The following ACYP2 variants were observed in gnomAD, a reference collection of about 807,000 sequenced individuals.
The protein encoded by ACYP2 is acylphosphatase 2, also known as acylphosphatase-2.
ACYP2 carries 12 observed loss-of-function variants against 11.2 expected under a neutral mutation model. The ratio of observed to expected loss-of-function variants is 1.08; its 90% confidence interval spans 0.69 to 1.74. The LOEUF (loss-of-function observed/expected upper bound fraction) is 1.74. Ranked by LOEUF, ACYP2 falls within the 40% of genes most tolerant of loss-of-function variation. The pLI, the probability that ACYP2 is intolerant of heterozygous loss-of-function variation, is 0.00. For synonymous variants in ACYP2, 43 were observed against 32.2 expected (o/e 1.33, Z -1.13); for missense variants, 134 against 101.9 (o/e 1.31, Z -1.35).
At chr2:54,123,014 C>A (rs1215951799) in intron 4 of ACYP2, among the ~76,000 whole-genome samples, 1 of 152,190 alleles carries the variant, frequency 6.6e-6, no homozygotes, top group Non-Finnish European at 1.5e-5. Context: ...AGGGAGGCTA[C>A]TCTAGGGTAG....
intron 6 of ACYP2, among the ~76,000 whole-genome samples, chr2:54,181,980 T>A (rs754802668): frequency 6.6e-6 from 1 of 151,806 alleles, no homozygotes; most frequent in Non-Finnish European, 1.5e-5. Flanking sequence ...TACTTATTTA[T>A]GTGTCAGTAC....
intron 6 of ACYP2, among the ~76,000 whole-genome samples, chr2:54,265,493 A>G (rs1026086265): frequency 1.3e-5 from 2 of 152,196 alleles, no homozygotes; most frequent in African/African-American, 2.4e-5. Flanking sequence ...GAGCCAAACC[A>G]TATCAGCATC....
At chr2:54,004,894 C>CAAAA (rs754230632) in intron 2 of ACYP2, among the ~76,000 whole-genome samples, 84 of 31,866 alleles carry the variant, frequency 2.6e-3, no homozygotes, top group African/African-American at 8.8e-3. Flanking sequence ...GACTCTGTCT[C>CAAAA]AAAAAAAAAA....
chr2:54,137,284 A>G (rs1681304134), intron 5 of ACYP2, among the ~76,000 whole-genome samples: 1 of 152,052 alleles, frequency 6.6e-6, no homozygotes. Flanking sequence ...CTTTTTTAAA[A>G]AAAAATTATT....
intron 4 of ACYP2, among the ~76,000 whole-genome samples, chr2:54,069,267 A>T (rs989241422): frequency 2.0e-5 from 3 of 152,174 alleles, no homozygotes; most frequent in Admixed American, 2.0e-4. Flanking sequence ...ACCAGAAGGT[A>T]ATGTGATTCA....
In ACYP2 at chr2:54,043,145, A is replaced by G. The variant is rs1414628768; in HGVS notation, c.63-7813A>G. Among the ~76,000 whole-genome samples the G allele has an allele frequency of 2.0e-5, 3 of 152,142 alleles. No homozygotes were observed. In the East Asian group the frequency reaches 5.8e-4, roughly 29 times the overall value. ...CCTAAAAATAGTTGTGTACACATAG[A>G]AAATGCATGCTGGTTGAGTGGTTGA... is the stretch of plus-strand genomic sequence containing the variant. On this transcript the variant is annotated intron_variant, in intron 2 of 6. Coordinates refer to ENST00000607452, the MANE Select transcript of ACYP2 (RefSeq NM_001320586.2).
chr2:54,065,150 G>T (rs1452927137), intron 4 of ACYP2, among the ~76,000 whole-genome samples: 1 of 152,116 alleles, frequency 6.6e-6, no homozygotes, highest in African/African-American at 2.4e-5. Flanking sequence ...GATAGATGAT[G>T]TTGGCTTAGA....
At chr2:54,200,546 T>A (rs1190870389) in intron 6 of ACYP2, among the ~76,000 whole-genome samples, 1 of 152,180 alleles carries the variant, frequency 6.6e-6, no homozygotes, top group Non-Finnish European at 1.5e-5. Flanking sequence ...CTTCTTTCAC[T>A]GAGGATAATG....
At position 54,065,552 on chromosome 2, in the gene ACYP2, A is replaced by G. The variant is rs373249365; in HGVS notation, c.277+8192A>G. 1.8e-4 allele frequency: 71 copies of G among 398,580 alleles called. No individual in the cohort carries two copies. The Middle Eastern group carries it at 5.0e-3, about 28-fold the overall frequency. The allele number at this position is 398,580 out of a possible 1,614,324, so 24.7% of individuals were successfully genotyped here. A position where few individuals can be genotyped will look rare whatever the true frequency, so the allele number is the denominator to read the frequency against. On this transcript the variant is annotated intron_variant, in intron 4 of 6. Transcript: ENST00000607452. The stretch of plus-strand genomic sequence containing the variant: ...TCTCTGAGTCACACTGTGAAATAGT[A>G]TTCAGAGCTGAGGCTTCATCTGCAG...
chr2:53,989,976 CTTTTCTTTT>C (rs1672207803), intron 2 of ACYP2, among the ~76,000 whole-genome samples: 2 of 112,850 alleles, frequency 1.8e-5, no homozygotes, highest in Non-Finnish European at 1.9e-5. Context: ...CTTTTCTTTT[CTTTTCTTTT>C]TTTTTTTTTT....
chr2:54,012,768 T>C (rs950403233), intron 2 of ACYP2, among the ~76,000 whole-genome samples: 1 of 152,160 alleles, frequency 6.6e-6, no homozygotes, highest in Non-Finnish European at 1.5e-5. Context: ...CCCTATCCTC[T>C]TTCTCAACTA....
intron 6 of ACYP2, among the ~76,000 whole-genome samples, chr2:54,290,041 C>T (rs1311362250): frequency 6.6e-6 from 1 of 152,068 alleles, no homozygotes; most frequent in African/African-American, 2.4e-5. Flanking sequence ...GCCTTTCCAT[C>T]CCACCTTGGC....
chr2:54,016,942 G>T (rs1411810917), intron 2 of ACYP2, among the ~76,000 whole-genome samples: 1 of 151,946 alleles, frequency 6.6e-6, no homozygotes, highest in Non-Finnish European at 1.5e-5. Context: ...AGCCAGGATG[G>T]TCTCCATCTC....
chr2:54,104,730 T>C (rs1202393323), intron 4 of ACYP2, among the ~76,000 whole-genome samples: 2 of 152,184 alleles, frequency 1.3e-5, no homozygotes, highest in Admixed American at 6.5e-5. Flanking sequence ...GGCTAAACAG[T>C]AGAACTACCT....
intron 6 of ACYP2, among the ~76,000 whole-genome samples, chr2:54,293,619 G>T (rs1445012657): frequency 6.6e-6 from 1 of 152,206 alleles, no homozygotes; most frequent in Non-Finnish European, 1.5e-5. Flanking sequence ...GGCAAAGGCA[G>T]GAAACAATTA....
Position 54,304,795 on chromosome 2 carries a change from G to A in ACYP2, c.512G>A (p.Arg171Lys), listed in dbSNP as rs745483563. ...CTTGAATACTCTAATTTTAGTATTAGATACTAATAGAAGAGAAAAATTGTA... is the reference window on the plus strand; with the variant it reads ...CTTGAATACTCTAATTTTAGTATTAAATACTAATAGAAGAGAAAAATTGTA... Residue 171 changes from arginine (R) to lysine (K), a missense_variant, in exon 7 of 7, where the codon AGA becomes AAA. By Grantham distance (26) the Arg-to-Lys change is conservative. Transcript: ENST00000607452. 6 of 1,561,404 alleles carry A rather than the reference G, an allele frequency of 3.8e-6. No individual in the cohort carries two copies. The South Asian group carries it at 6.7e-5, about 17-fold the overall frequency.
At chr2:53,991,564 C>G (rs549711769) in intron 2 of ACYP2, among the ~76,000 whole-genome samples, 103 of 152,040 alleles carry the variant, frequency 6.8e-4, no homozygotes, top group African/African-American at 2.3e-3. Context: ...CGCCACCACA[C>G]CTGGATAATT....
At chr2:54,248,232 T>C (rs1043721325) in intron 6 of ACYP2, among the ~76,000 whole-genome samples, 3 of 152,242 alleles carry the variant, frequency 2.0e-5, no homozygotes, top group Non-Finnish European at 2.9e-5. Flanking sequence ...TGGGCAACCA[T>C]GTCCATTAAC....
rs75008572 is a variant in ACYP2 at position 54,184,251 on chromosome 2, G to A, written c.404+45503G>A. On this transcript the variant is annotated intron_variant, in intron 6 of 6. Coordinates refer to ENST00000607452, the MANE Select transcript of ACYP2 (RefSeq NM_001320586.2). ...AGACATACAAAGAAACATTTCTCAG[G>A]GACCTGAGTGGTATTAGCAAGAGAA... Among the ~76,000 whole-genome samples the A allele has an allele frequency of 8.9e-4, 135 of 152,226 alleles. 3 individuals carry two copies. The East Asian group carries it at 0.025, about 28-fold the overall frequency.
Sources: gnomAD v4.1 joint callset for allele counts (sites outside exome capture counted in the v4.1 genomes callset) on GRCh38, gnomAD v4.1.1 for gene constraint, MANE v1.5 for transcripts, NCBI Gene and HGNC (gene_info 2026-07-23, HGNC 2026-07-21) for gene names.